COL4A4: variants seen among roughly 807,000 people sequenced by gnomAD.
The protein encoded by COL4A4 is collagen type IV alpha 4 chain, also known as collagen alpha-4(IV) chain.
Under a neutral mutation model 192.9 loss-of-function variants are expected in COL4A4, and 105 were observed. That is an observed-to-expected ratio of 0.54 (90% CI 0.46 to 0.64). The LOEUF is 0.64. Ranked by LOEUF, COL4A4 falls within the 30% of genes least tolerant of loss-of-function variation. The pLI is 0.00. For synonymous variants in COL4A4, 762 were observed against 769.9 expected (o/e 0.99, Z 0.17); for missense variants, 1,967 against 2,169.3 (o/e 0.91, Z 1.85).
chr2:227,121,166 AAAG>A lies in COL4A4; in HGVS notation c.193-21_193-19del. On this transcript the variant is annotated intron_variant, in intron 4 of 47. Coordinates refer to ENST00000396625, the MANE Select transcript of COL4A4 (RefSeq NM_000092.5). Reference sequence around the variant, plus strand: ...GGTGGACCCTGAGAAGGAAGATTAAAAAGAAATGGGGGTGCAATTCTTAATTAC... The same window carrying A: ...GGTGGACCCTGAGAAGGAAGATTAAAAAATGGGGGTGCAATTCTTAATTAC... The A allele has an allele frequency of 6.2e-7, 1 of 1,613,590 alleles. No individual in the cohort carries two copies. The highest frequency in any genetic ancestry group is 8.5e-7 in the Non-Finnish European group (1 of 1,179,770).
chr2:227,022,190 C>A lies in COL4A4; in HGVS notation c.4091-17G>T. ...CCGGTTCACCTGAAATTGGAATCAC[C>A]GCTTGTGTAATGGATGCACGTGCTT... On this transcript the variant is annotated splice_polypyrimidine_tract_variant and intron_variant, in intron 43 of 47. Coordinates refer to ENST00000396625, the MANE Select transcript of COL4A4 (RefSeq NM_000092.5). The A allele has an allele frequency of 5.0e-6, 8 of 1,613,992 alleles. No homozygotes were observed. Among genetic ancestry groups the A allele is most frequent in the Non-Finnish European group, 6.8e-6 (8 of 1,180,014 alleles).
chr2:227,083,346 A>G (rs12992039), intron 22 of COL4A4, among the ~76,000 whole-genome samples: 27,877 of 152,220 alleles, frequency 0.18, 3,593 homozygotes, highest in African/African-American at 0.37. Context: ...GATATCAATA[A>G]TCAAAAAACC....
intron 19 of COL4A4, among the ~76,000 whole-genome samples, chr2:227,094,899 G>GA (rs922661772): frequency 4.8e-4 from 73 of 151,736 alleles, no homozygotes; most frequent in African/African-American, 1.5e-3. Flanking sequence ...TTCAGAAGTA[G>GA]AAAAAAAATA....
In COL4A4 at chr2:227,121,048, C is replaced by T. The variant is rs2061753889; in HGVS notation, c.293G>A (p.Gly98Asp). The T allele has an allele frequency of 5.6e-6, 9 of 1,614,168 alleles. No homozygotes were observed. Among genetic ancestry groups the T allele is most frequent in the Non-Finnish European group, 7.6e-6 (9 of 1,180,028 alleles). ...TTTGTCCCCTGCTGCTCCAGGAGGGCCGCGGTCCCCTCTCATTCCTTTCTC... is the reference window on the plus strand; with the variant it reads ...TTTGTCCCCTGCTGCTCCAGGAGGGTCGCGGTCCCCTCTCATTCCTTTCTC... ...SGEKGMRGDR[G>D]PPGAAGDKGD... The change falls in exon 5 of 48, where the codon GGC becomes GAC. Residue 98 changes from glycine to aspartate, a missense_variant. Coordinates refer to ENST00000396625, the MANE Select transcript of COL4A4 (RefSeq NM_000092.5).
At position 227,088,785 on chromosome 2, in the gene COL4A4, T is replaced by TC; in HGVS notation, c.1490dup (p.Pro498ThrfsTer17). ...CTGGAGGGCCAGGGGGGCCCATGGGTCCAGGCTCACAGGCACAGAGTCCTT... is the reference window on the plus strand; with the variant it reads ...CTGGAGGGCCAGGGGGGCCCATGGGTCCCAGGCTCACAGGCACAGAGTCCTT... On this transcript the variant is annotated frameshift_variant, in exon 22 of 48. Transcript: ENST00000396625. LOFTEE classifies it high-confidence loss of function. 6.2e-7 allele frequency: 1 copy of TC among 1,614,126 alleles called. No homozygotes were observed. Among genetic ancestry groups the TC allele is most frequent in the Non-Finnish European group, 8.5e-7 (1 of 1,180,014 alleles).
intron 2 of COL4A4, among the ~76,000 whole-genome samples, chr2:227,144,996 A>G (rs958151677): frequency 6.6e-6 from 1 of 152,190 alleles, no homozygotes; most frequent in African/African-American, 2.4e-5. Flanking sequence ...AAGGAAACCT[A>G]ACTGGACTGG....
intron 44 of COL4A4, among the ~76,000 whole-genome samples, chr2:227,021,468 T>C (rs1018138041): frequency 3.9e-5 from 6 of 152,182 alleles, no homozygotes; most frequent in African/African-American, 1.2e-4. Context: ...GCTAAGAGGT[T>C]TGAAAACTCT....
intron 25 of COL4A4, among the ~76,000 whole-genome samples, chr2:227,073,024 T>C (rs955666513): frequency 6.6e-6 from 1 of 152,062 alleles, no homozygotes; most frequent in African/African-American, 2.4e-5. Flanking sequence ...CTATTCAACA[T>C]AGTTCTGGAA....
chr2:227,088,502 G>C, intron 22 of COL4A4, 151 bp downstream of exon 22: 1 of 983,270 alleles, frequency 1.0e-6, no homozygotes. Context: ...TAAGTTTCCT[G>C]AGGCCTCCCC....
At chr2:226,983,297 A>G in the COL4A4 span, among the ~76,000 whole-genome samples, 1 of 152,156 alleles carries the variant, frequency 6.6e-6, no homozygotes. Flanking sequence ...ACTGTTCTAA[A>G]TCCAGCATCT....
intron 26 of COL4A4, among the ~76,000 whole-genome samples, chr2:227,061,062 A>G (rs1001494237): frequency 3.3e-5 from 5 of 152,168 alleles, no homozygotes; most frequent in Non-Finnish European, 5.9e-5. Context: ...GATTTTCTAC[A>G]AGGAGTTATC....
intron 1 of COL4A4, among the ~76,000 whole-genome samples, chr2:227,149,298 G>T (rs926397381): frequency 8.5e-5 from 13 of 152,276 alleles, no homozygotes; most frequent in African/African-American, 2.6e-4. Context: ...TGAACACCCA[G>T]ATCTTTTCCT....
intron 37 of COL4A4, 65 bp downstream of exon 37, chr2:227,042,083 A>C: frequency 2.0e-6 from 2 of 1,005,828 alleles, no homozygotes; most frequent in Non-Finnish European, 3.2e-6. Context: ...ACAGGAAAAA[A>C]ACACCATCAA....
Position 227,008,304 on chromosome 2 carries a change from C to G in COL4A4, c.4523G>C (p.Gly1508Ala). 4 of 1,614,100 alleles carry G rather than the reference C, an allele frequency of 2.5e-6. No individual in the cohort carries two copies. The highest frequency in any genetic ancestry group is 3.4e-6 in the Non-Finnish European group (4 of 1,179,950). Reference sequence around the variant, plus strand: ...TACGGGAAGGCAAGACCCTGCCAGACCTTGGGAAGGGAAGAAGAGACAGCT... The same window carrying G: ...TACGGGAAGGCAAGACCCTGCCAGAGCTTGGGAAGGGAAGAAGAGACAGCT... ...GQEKAHNQDL[G>A]LAGSCLPVFS... is the part of the protein sequence containing the mutation. Residue 1508 changes from glycine to alanine, a missense_variant and splice_region_variant, in exon 47 of 48, where the codon GGT (glycine) becomes GCT (alanine). By Grantham distance (60) the Gly-to-Ala change is moderately conservative. Coordinates refer to ENST00000396625, the MANE Select transcript of COL4A4 (RefSeq NM_000092.5).
rs1436017816 is a variant in COL4A4 at position 227,057,696 on chromosome 2, A to T, written c.2384-96T>A. 8 of 1,267,444 alleles carry T rather than the reference A, an allele frequency of 6.3e-6. No homozygotes were observed. In the Admixed American group the frequency reaches 1.3e-4, roughly 21 times the overall value. The allele number at this position is 1,267,444 out of a possible 1,614,324, so 78.5% of individuals were successfully genotyped here. On this transcript the variant is annotated intron_variant, in intron 28 of 47. Transcript: ENST00000396625. Reference sequence around the variant, plus strand: ...ACGCATATCAATACTGGAGGTGAACATTTTCATCCTGAATCAGTGTTCAAA... The same window carrying T: ...ACGCATATCAATACTGGAGGTGAACTTTTTCATCCTGAATCAGTGTTCAAA...
chr2:226,975,937 T>G, the COL4A4 span, among the ~76,000 whole-genome samples: 10 of 152,004 alleles, frequency 6.6e-5, no homozygotes, highest in African/African-American at 2.2e-4. Flanking sequence ...GCCCCAGGGT[T>G]GTTGTGTTCT....
At chr2:227,044,810 C>T (rs138744543) in intron 35 of COL4A4, among the ~76,000 whole-genome samples, 35 of 152,260 alleles carry the variant, frequency 2.3e-4, no homozygotes, top group Non-Finnish European at 5.9e-5. Flanking sequence ...TCAATGAAGC[C>T]TTCTCCAGTC....
intron 26 of COL4A4, among the ~76,000 whole-genome samples, chr2:227,061,590 G>A (rs940379032): frequency 6.6e-6 from 1 of 152,214 alleles, no homozygotes; most frequent in Non-Finnish European, 1.5e-5. Flanking sequence ...AGTGTTTGCT[G>A]TAGCCCACTG....
At chr2:226,997,662 T>C in the COL4A4 span, 2 of 152,252 alleles carry the variant, frequency 1.3e-5, no homozygotes. Context: ...CCACTAGTAG[T>C]ACTTCCTTGC....
Sources: allele counts gnomAD v4.1 joint callset (sites outside exome capture counted in the v4.1 genomes callset), GRCh38; gene constraint gnomAD v4.1.1; transcripts MANE v1.5; gene names NCBI Gene and HGNC (gene_info 2026-07-23, HGNC 2026-07-21).